DMBT1: variants seen among roughly 807,000 people sequenced by gnomAD.
DMBT1 encodes deleted in malignant brain tumors 1, also known as scavenger receptor cysteine-rich domain-containing protein DMBT1.
In DMBT1, 198 loss-of-function variants were observed where a neutral mutation model predicts 252.9. The ratio of observed to expected loss-of-function variants is 0.78; its 90% CI spans 0.70 to 0.88. The LOEUF (loss-of-function observed/expected upper bound fraction) is 0.88, where lower values mean the gene tolerates loss of function less well. Ranked by LOEUF, DMBT1 falls within the 40% of genes least tolerant of loss-of-function variation. DMBT1 has a pLI of 0.00. For missense variants in DMBT1, 2,432 were observed against 2,404.7 expected, an observed-to-expected ratio of 1.01 and a Z score of -0.24; for synonymous variants, 990 against 942.7, an observed-to-expected ratio of 1.05 and a Z score of -0.92.
In DMBT1 at chr10:122,630,009, T is replaced by C. The variant is rs1287481838; in HGVS notation, c.5822+16T>C. ...GTAATCTGAAGTAAGTAATGCCTGG[T>C]CATCTGGTGAGGGGTGAGTTCCTCT... On this transcript the variant is annotated intron_variant, in intron 47 of 55. Coordinates refer to ENST00000338354, the MANE Select transcript of DMBT1 (RefSeq NM_001377530.1). The C allele has an allele frequency of 6.2e-7, 1 of 1,613,816 alleles. No individual in the cohort carries two copies. The highest frequency in any genetic ancestry group is 2.2e-5 in the East Asian group (1 of 44,884).
chr10:122,617,394 G>T, intron 40 of DMBT1, 134 bp downstream of exon 40: 1 of 1,135,462 alleles, frequency 8.8e-7, no homozygotes, highest in Non-Finnish European at 1.3e-6. Context: ...GGAAGGTGGA[G>T]TTTCTAGGGA....
chr10:122,620,182 T>C (rs2098049528), intron 42 of DMBT1, 71 bp from the exon 43 acceptor site: 1 of 1,518,624 alleles, frequency 6.6e-7, no homozygotes, highest in African/African-American at 1.4e-5. Flanking sequence ...CTTGCCTGGT[T>C]CAGAGATTTT....
At position 122,576,400 on chromosome 10, in the gene DMBT1, A is replaced by G. The variant is rs373912287; in HGVS notation, c.285A>G (p.Gly95=). The stretch of plus-strand genomic sequence containing the variant: ...GAGAAATTCTGTGCCTTCCTCTAGG[A>G]TCTGATTCTGGTTTGGCCCTGAGGC... The part of the protein sequence containing the change: ...ESTLESTVAE[G]SDSGLALRLV... The change falls in exon 7 of 56, where the codon GGA becomes GGG. Residue 95 remains glycine, a splice_region_variant and synonymous_variant. Transcript: ENST00000338354. 1.7e-5 allele frequency: 27 copies of G among 1,613,524 alleles called. No individual in the cohort carries two copies. The highest frequency in any genetic ancestry group is 2.2e-5 in the Non-Finnish European group (26 of 1,179,704).
intron 5 of DMBT1, among the ~76,000 whole-genome samples, chr10:122,573,375 G>A (rs549125988): frequency 6.6e-5 from 10 of 152,348 alleles, no homozygotes; most frequent in African/African-American, 2.4e-4. Flanking sequence ...TGTCATTTAA[G>A]GGTGTGTTTG....
At position 122,564,116 on chromosome 10, in the gene DMBT1, G is replaced by T. The variant is rs1306070212; in HGVS notation, c.62-1851G>T. On this transcript the variant is annotated intron_variant, in intron 1 of 55. Transcript: ENST00000338354. ...GGATGCATAGCCACATGGTTTCAGT[G>T]GCCCCCTTCCTAAGCCATCAATATG... Among the ~76,000 whole-genome samples the T allele has an allele frequency of 5.3e-5, 8 of 152,302 alleles. No individual in the cohort carries two copies. In the South Asian group the frequency reaches 1.4e-3, roughly 28 times the overall value.
intron 54 of DMBT1, among the ~76,000 whole-genome samples, chr10:122,638,466 CTCATTCT>C (rs1180060121): frequency 2.6e-5 from 4 of 152,206 alleles, no homozygotes; most frequent in African/African-American, 4.8e-5. Context: ...ATGACAGGTT[CTCATTCT>C]GTTGCCCAGG....
intron 16 of DMBT1, among the ~76,000 whole-genome samples, chr10:122,586,758 A>G (rs998280718): frequency 7.4e-5 from 11 of 148,668 alleles, no homozygotes; most frequent in African/African-American, 2.7e-4. Flanking sequence ...GCATAGGAGC[A>G]TGGTGCAGGC....
At position 122,621,114 on chromosome 10, in the gene DMBT1, G is replaced by A. The variant is rs199501579; in HGVS notation, c.5342G>A (p.Arg1781Gln). ...LVNGGDRCRG[R>Q]VEVLYRGSWG... ...AATGGAGGTGACAGGTGTCGAGGCC[G>A]AGTGGAGGTCCTGTATCGAGGCTCC... Residue 1781 changes from arginine to glutamine, a missense_variant, in exon 44 of 56, where the codon CGA becomes CAA. Arg to Gln is a conservative substitution (Grantham distance 43, BLOSUM62 1). Around this residue, in one of 3 missense-constraint regions of DMBT1, gnomAD observed 1,162 missense variants for 1,169.0 expected, o/e 0.99. Coordinates refer to ENST00000338354, the MANE Select transcript of DMBT1 (RefSeq NM_001377530.1). 4.1e-4 allele frequency: 663 copies of A among 1,613,724 alleles called. No homozygotes were observed. The highest frequency in any genetic ancestry group is 1.7e-3 in the Middle Eastern group (10 of 5,962).
Position 122,643,531 on chromosome 10 carries a change from AATCAGACCTGGTT to A in DMBT1, c.*134_*146del. 9 of 1,293,864 alleles carry A rather than the reference AATCAGACCTGGTT, an allele frequency of 7.0e-6. No homozygotes were observed. The highest frequency in any genetic ancestry group is 9.4e-6 in the Non-Finnish European group (9 of 959,672). The allele number at this position is 1,293,864 out of a possible 1,614,324, so 80.1% of individuals were successfully genotyped here. On this transcript the variant is annotated 3_prime_UTR_variant, in exon 56 of 56. Coordinates refer to ENST00000338354, the MANE Select transcript of DMBT1 (RefSeq NM_001377530.1). ...TGCTGCACCTGGTCATACGGAGTTG[AATCAGACCTGGTT>A]CCCGCCTCCCCCAAGGCTCATGGTC...
chr10:122,584,361 C>T lies in DMBT1; in HGVS notation c.1420+10C>T, dbSNP rs1359103165. On this transcript the variant is annotated intron_variant, in intron 14 of 55. Coordinates refer to ENST00000338354, the MANE Select transcript of DMBT1 (RefSeq NM_001377530.1). ...TCGACGCCCAGTCCAGGTGAGTCCC[C>T]AGTGTCCTTCCTTGGGATGTCCCTT... 1 of 506,974 alleles carries T rather than the reference C, an allele frequency of 2.0e-6. No individual in the cohort carries two copies. The highest frequency in any genetic ancestry group is 3.4e-6 in the Non-Finnish European group (1 of 294,906). 31.4% of individuals were successfully genotyped at this position (506,974 alleles called of 1,614,324 possible).
In DMBT1 at chr10:122,593,742, G is replaced by A. The variant is rs1028335858; in HGVS notation, c.2530+144G>A. 1.8e-4 allele frequency: 234 copies of A among 1,271,732 alleles called. 14 individuals are homozygous for A. The highest frequency in any genetic ancestry group is 4.0e-4 in the African/African-American group (28 of 69,802). 78.8% of individuals were successfully genotyped at this position (1,271,732 alleles called of 1,614,324 possible). On this transcript the variant is annotated intron_variant, in intron 21 of 55. Transcript: ENST00000338354. ...CCCCCAACACCGGCTGTGTAACTGA[G>A]ACCCCAGCACAGCGCTTTTTAAACA...
intron 44 of DMBT1, among the ~76,000 whole-genome samples, chr10:122,624,321 A>G (rs2098098727): frequency 6.6e-6 from 1 of 152,152 alleles, no homozygotes; most frequent in Non-Finnish European, 1.5e-5. Context: ...CTCAGTCCAC[A>G]CCCAAGGGTT....
At chr10:122,571,728 A>G (rs2097665606) in intron 4 of DMBT1, among the ~76,000 whole-genome samples, 1 of 152,162 alleles carries the variant, frequency 6.6e-6, no homozygotes, top group Admixed American at 6.5e-5. Flanking sequence ...GTCTACTTCT[A>G]GAGCAACTCT....
At chr10:122,624,563 G>C (rs952169397) in intron 44 of DMBT1, among the ~76,000 whole-genome samples, 4 of 152,152 alleles carry the variant, frequency 2.6e-5, no homozygotes, top group African/African-American at 9.7e-5. Context: ...CCTGAGGCTG[G>C]TGAATGGAGG....
chr10:122,576,766 C>A, intron 7 of DMBT1, 44 bp downstream of exon 7: 1 of 1,608,622 alleles, frequency 6.2e-7, no homozygotes, highest in East Asian at 2.2e-5. Context: ...GTGGCTCATG[C>A]CTTTAATCCC....
At position 122,570,153 on chromosome 10, in the gene DMBT1, A is replaced by C; in HGVS notation, c.92-9A>C. On this transcript the variant is annotated splice_polypyrimidine_tract_variant and intron_variant, in intron 2 of 55. Coordinates refer to ENST00000338354, the MANE Select transcript of DMBT1 (RefSeq NM_001377530.1). ...ACCATCAATGAGCTCTTCCTTTTCCACCTCGCAGCTTCACTGATTCCCTCG... is the reference window on the plus strand; with the variant it reads ...ACCATCAATGAGCTCTTCCTTTTCCCCCTCGCAGCTTCACTGATTCCCTCG... The C allele has an allele frequency of 6.3e-7, 1 of 1,592,154 alleles. No homozygotes were observed. The highest frequency in any genetic ancestry group is 8.6e-7 in the Non-Finnish European group (1 of 1,160,290).
chr10:122,617,169 G>T lies in DMBT1; in HGVS notation c.4859-59G>T, dbSNP rs563305439. ...GATTCCCCCTCCCAGAGAACCTTTT[G>T]TTCTGTGCCTTTTCCCTTCAAGTCT... On this transcript the variant is annotated intron_variant, in intron 39 of 55. Transcript: ENST00000338354. 3.2e-6 allele frequency: 5 copies of T among 1,556,712 alleles called. No individual in the cohort carries two copies. In the East Asian group the frequency reaches 1.2e-4, roughly 37 times the overall value.
At chr10:122,571,034 A>G in intron 4 of DMBT1, 97 bp downstream of exon 4, 1 of 1,446,104 alleles carries the variant, frequency 6.9e-7, no homozygotes, top group Non-Finnish European at 9.7e-7. Context: ...CATAGAAGGT[A>G]GGGTGCTGGT....
chr10:122,642,251 C>T (rs1227110104), intron 55 of DMBT1, among the ~76,000 whole-genome samples: 1 of 152,092 alleles, frequency 6.6e-6, no homozygotes, highest in Non-Finnish European at 1.5e-5. Context: ...AGGAAGGAGG[C>T]TCTAGAAGAC....
Sources: gnomAD v4.1 joint callset for allele counts (sites outside exome capture counted in the v4.1 genomes callset) on GRCh38, gnomAD v4.1.1 for gene constraint, gnomAD v4.1.1 regional missense constraint, MANE v1.5 for transcripts, NCBI Gene and HGNC (gene_info 2026-07-23, HGNC 2026-07-21) for gene names.